The following CCDC159 variants were observed in gnomAD, a reference collection of about 807,000 sequenced individuals.
CCDC159 encodes coiled-coil domain-containing protein 159.
Under a neutral mutation model 50.9 loss-of-function variants are expected in CCDC159, and 40 were observed. That is an observed-to-expected ratio of 0.79 (90% CI 0.61 to 1.02). The LOEUF (loss-of-function observed/expected upper bound fraction) is 1.02. Among genes scored for constraint, CCDC159 ranks in the 50% least tolerant of loss-of-function variants. The pLI is 0.00. For missense variants in CCDC159, 356 were observed against 371.5 expected, an observed-to-expected ratio of 0.96 and a Z score of 0.34; for synonymous variants, 146 against 138.9, an observed-to-expected ratio of 1.05 and a Z score of -0.36.
At chr19:11,354,407 A>G (rs1202229251) in intron 9 of CCDC159, among the ~76,000 whole-genome samples, 173 bp from the exon 10 acceptor site, 2 of 152,154 alleles carry the variant, frequency 1.3e-5, no homozygotes, top group African/African-American at 2.4e-5. Flanking sequence ...AAAAGTGTCA[A>G]TTGGGTAAAA....
Position 11,353,884 on chromosome 19 carries a change from G to A in CCDC159, c.772+10G>A, listed in dbSNP as rs1967729778. The A allele has an allele frequency of 1.3e-6, 2 of 1,555,188 alleles. No homozygotes were observed. Among genetic ancestry groups the A allele is most frequent in the East Asian group, 2.4e-5 (1 of 42,036 alleles). On this transcript the variant is annotated intron_variant, in intron 9 of 10. Transcript: ENST00000458408. Reference sequence around the variant, plus strand: ...GCCTCGAGCCTAAGAGGTGAGGGAGGCTGAGAATTGCTCAGGGGTGGGAGG... The same window carrying A: ...GCCTCGAGCCTAAGAGGTGAGGGAGACTGAGAATTGCTCAGGGGTGGGAGG...
rs1033979454 is a variant in CCDC159 at position 11,350,802 on chromosome 19, C to T, written c.227-6C>T. On this transcript the variant is annotated splice_region_variant and splice_polypyrimidine_tract_variant and intron_variant, in intron 4 of 10. Transcript: ENST00000458408. ...GGGCTCAGTCAAGGTCCCACACTCTCTGCAGAGGTGCTGAGCCCCACAGGC... is the reference window on the plus strand; with the variant it reads ...GGGCTCAGTCAAGGTCCCACACTCTTTGCAGAGGTGCTGAGCCCCACAGGC... The T allele has an allele frequency of 4.5e-6, 7 of 1,543,520 alleles. No individual in the cohort carries two copies. In the African/African-American group the frequency reaches 8.2e-5, roughly 18 times the overall value.
chr19:11,350,054 A>C, intron 3 of CCDC159, 28 bp downstream of exon 3: 1 of 1,612,446 alleles, frequency 6.2e-7, no homozygotes, highest in Non-Finnish European at 8.5e-7. Flanking sequence ...TGCCCCCAGC[A>C]ACCTCTGTTT....
intron 9 of CCDC159, 114 bp downstream of exon 9, chr19:11,353,988 C>A: frequency 2.5e-6 from 2 of 804,778 alleles, no homozygotes; most frequent in Non-Finnish European, 3.9e-6. Context: ...ATTCTATGGT[C>A]ACATTAAGTA....
At chr19:11,348,217 T>C in intron 1 of CCDC159, 1 of 448,092 alleles carries the variant, frequency 2.2e-6, no homozygotes, top group Non-Finnish European at 4.4e-6. Flanking sequence ...GGCCTGATTT[T>C]TTTTCTTTGG....
chr19:11,353,407 C>A, intron 7 of CCDC159, 44 bp from the exon 8 acceptor site: 2 of 1,531,782 alleles, frequency 1.3e-6, no homozygotes, highest in South Asian at 2.4e-5. Flanking sequence ...GCACTATTGT[C>A]ATTATTATTA....
intron 4 of CCDC159, among the ~76,000 whole-genome samples, chr19:11,350,539 G>T (rs1278238732): frequency 1.3e-5 from 2 of 152,120 alleles, no homozygotes; most frequent in Non-Finnish European, 2.9e-5. Context: ...TGTAGTCCCA[G>T]CCACTCAGGA....
rs376170858 is a variant in CCDC159 at position 11,351,249 on chromosome 19, C to T, written c.422+246C>T. On this transcript the variant is annotated intron_variant, in intron 5 of 10. Coordinates refer to ENST00000458408, the MANE Select transcript of CCDC159 (RefSeq NM_001080503.3). ...GTCAGGAGTTCGAGACCAGCCTGGC[C>T]AACATGGTGAAACCCCATCTCTACT... 4.9e-5 allele frequency: 22 copies of T among 448,320 alleles called. 1 individual carries two copies. Among genetic ancestry groups the T allele is most frequent in the African/African-American group, 4.5e-4 (22 of 48,914 alleles). 27.8% of individuals were successfully genotyped at this position (448,320 alleles called of 1,614,324 possible).
chr19:11,348,864 C>T, intron 1 of CCDC159: 2 of 695,710 alleles, frequency 2.9e-6, no homozygotes, highest in Non-Finnish European at 4.8e-6. Context: ...GTGACAAGTA[C>T]TGGGGTTAGT....
At chr19:11,349,207 C>T in intron 1 of CCDC159, 1 of 1,312,584 alleles carries the variant, frequency 7.6e-7, no homozygotes, top group Non-Finnish European at 1.0e-6. Flanking sequence ...TCACCCCCAC[C>T]CGGGAAACCC....
chr19:11,353,020 G>A (rs115104354), intron 7 of CCDC159, among the ~76,000 whole-genome samples: 185 of 152,172 alleles, frequency 1.2e-3, no homozygotes, highest in African/African-American at 4.3e-3. Flanking sequence ...TATTAGCTGA[G>A]TACTGTGCAC....
chr19:11,354,822 C>T, intron 10 of CCDC159, 51 bp from the exon 11 acceptor site: 6 of 1,612,692 alleles, frequency 3.7e-6, no homozygotes, highest in Non-Finnish European at 5.1e-6. Flanking sequence ...ACCTGCAGCC[C>T]CGGAGTCCCC....
chr19:11,350,886 A>T lies in CCDC159; in HGVS notation c.305A>T (p.Tyr102Phe). 6.4e-7 allele frequency: 1 copy of T among 1,552,436 alleles called. No homozygotes were observed. Among genetic ancestry groups the T allele is most frequent in the Non-Finnish European group, 8.7e-7 (1 of 1,147,936 alleles). ...WGMEQGRQEL[Y>F]GALTQGLQGL... The stretch of plus-strand genomic sequence containing the variant: ...ATGGAGCAGGGCCGGCAGGAGCTGT[A>T]TGGGGCCCTGACCCAAGGCCTTCAG... Residue 102 changes from tyrosine (Y) to phenylalanine (F), a missense_variant, in exon 5 of 11, where the codon TAT (tyrosine) becomes TTT (phenylalanine). Tyr to Phe is a conservative substitution (Grantham distance 22, BLOSUM62 3). Transcript: ENST00000458408.
chr19:11,346,753 C>G (rs909307130), intron 1 of CCDC159, 126 bp downstream of exon 1: 50 of 1,064,954 alleles, frequency 4.7e-5, no homozygotes, highest in Non-Finnish European at 6.5e-5. Context: ...AAGCAGCAAC[C>G]GGGATGGGAC....
chr19:11,349,126 C>G (rs758251599), intron 1 of CCDC159: 4 of 1,351,310 alleles, frequency 3.0e-6, no homozygotes, highest in Admixed American at 3.8e-5. Flanking sequence ...CCCCCTCCCC[C>G]AGTCCAGACC....
intron 1 of CCDC159, chr19:11,349,250 T>A: frequency 3.6e-6 from 4 of 1,109,972 alleles, no homozygotes; most frequent in East Asian, 5.5e-5. Flanking sequence ...AATCTACTGC[T>A]GTGGGGCTTA....
At chr19:11,350,599 G>A (rs962471584) in intron 4 of CCDC159, among the ~76,000 whole-genome samples, 2 of 152,126 alleles carry the variant, frequency 1.3e-5, no homozygotes, top group East Asian at 1.9e-4. Context: ...GCAGTGAGCC[G>A]AGATCACGCC....
At chr19:11,354,536 G>A in intron 9 of CCDC159, 44 bp from the exon 10 acceptor site, 1 of 1,521,992 alleles carries the variant, frequency 6.6e-7, no homozygotes, top group Non-Finnish European at 8.9e-7. Flanking sequence ...CTATATTTGG[G>A]GGTTACTTGA....
chr19:11,353,731 C>G, intron 8 of CCDC159, 61 bp from the exon 9 acceptor site: 1 of 1,543,418 alleles, frequency 6.5e-7, no homozygotes, highest in Non-Finnish European at 8.8e-7. Context: ...AGCTGTACTG[C>G]TGTCTACACC....
Sources: gnomAD v4.1 joint callset for allele counts (sites outside exome capture counted in the v4.1 genomes callset) on GRCh38, gnomAD v4.1.1 for gene constraint, MANE v1.5 for transcripts, NCBI Gene and HGNC (gene_info 2026-07-23, HGNC 2026-07-21) for gene names.